The following CLSPN variants were observed in gnomAD, a reference collection of about 807,000 sequenced individuals.
The protein encoded by CLSPN is claspin.
Under a neutral mutation model 156.3 loss-of-function variants are expected in CLSPN, and 85 were observed. The ratio of observed to expected loss-of-function variants is 0.54; its 90% confidence interval spans 0.46 to 0.65. The LOEUF is 0.65. Among genes scored for constraint, CLSPN ranks in the 30% least tolerant of loss-of-function variants. The pLI, the probability that CLSPN is intolerant of heterozygous loss-of-function variation, is 0.00. For missense variants in CLSPN, 1,407 were observed against 1,554.9 expected, an observed-to-expected ratio of 0.90 and a Z score of 1.60; for synonymous variants, 534 against 542.4, an observed-to-expected ratio of 0.98 and a Z score of 0.22.
rs1318628074 is a variant in CLSPN, at chr1:35,734,037, A to G, written c.*2459T>C. The stretch of plus-strand genomic sequence containing the variant: ...AGAAGGTACCATTTATGTAAACTCA[A>G]TTATCCTCTTCACCTGAGCTGAACC... On this transcript the variant is annotated 3_prime_UTR_variant, in exon 25 of 25. Coordinates refer to ENST00000318121, the MANE Select transcript of CLSPN (RefSeq NM_022111.4). 1 of 985,344 alleles carries G rather than the reference A, an allele frequency of 1.0e-6. No individual in the cohort carries two copies. Among genetic ancestry groups the G allele is most frequent in the African/African-American group, 1.7e-5 (1 of 57,250 alleles). 61.0% of individuals were successfully genotyped at this position (985,344 alleles called of 1,614,324 possible). A position where few individuals can be genotyped will look rare whatever the true frequency, so the allele number is the denominator to read the frequency against.
chr1:35,760,037 T>C (rs889173426), intron 8 of CLSPN, among the ~76,000 whole-genome samples: 13 of 152,256 alleles, frequency 8.5e-5, no homozygotes, highest in East Asian at 5.8e-4. Flanking sequence ...TTTCACTGTA[T>C]TGGCCAGGCT....
chr1:35,722,253 CT>C (rs568124252), intron 24 of CLSPN, among the ~76,000 whole-genome samples: 8,709 of 124,424 alleles, frequency 0.07, 173 homozygotes, highest in African/African-American at 0.14. Context: ...CTAGTTATTC[CT>C]TTTTTTTTTT....
Position 35,769,964 on chromosome 1 carries a change from T to G in CLSPN, c.-94A>C. 9 of 1,456,070 alleles carry G rather than the reference T, an allele frequency of 6.2e-6. No individual in the cohort carries two copies. Among genetic ancestry groups the G allele is most frequent in the Non-Finnish European group, 7.6e-6 (8 of 1,056,168 alleles). The allele number at this position is 1,456,070 out of a possible 1,614,324, so 90.2% of individuals were successfully genotyped here. A position where few individuals can be genotyped will look rare whatever the true frequency, so the allele number is the denominator to read the frequency against. On this transcript the variant is annotated 5_prime_UTR_variant, in exon 1 of 25. Transcript: ENST00000318121. ...GCTCCCGCCGTCTCCAGCCCAGCAG[T>G]GCTGTTCTTGCTTTCCCGCCCAGCC...
intron 10 of CLSPN, 122 bp downstream of exon 10, chr1:35,751,128 C>T: frequency 1.6e-6 from 2 of 1,243,898 alleles, no homozygotes; most frequent in African/African-American, 1.5e-5. Flanking sequence ...AGGTAGTTAC[C>T]CTCATCATGC....
At position 35,735,615 on chromosome 1, in the gene CLSPN, G is replaced by A. The variant is rs113039854; in HGVS notation, c.*881C>T. The stretch of plus-strand genomic sequence containing the variant: ...CCCAGCTACTTGGGAGGCTGAGACA[G>A]GAGAATCACTTGAACCCGGGAGGCA... On this transcript the variant is annotated 3_prime_UTR_variant, in exon 25 of 25. Transcript: ENST00000318121. 31 of 646,824 alleles carry A rather than the reference G, an allele frequency of 4.8e-5. 2 individuals are homozygous for A. The highest frequency in any genetic ancestry group is 4.3e-4 in the African/African-American group (22 of 50,594). The allele number at this position is 646,824 out of a possible 1,614,324, so 40.1% of individuals were successfully genotyped here.
chr1:35,740,421 CTT>C (rs11339039), intron 18 of CLSPN, among the ~76,000 whole-genome samples: 27 of 142,208 alleles, frequency 1.9e-4, no homozygotes, highest in Admixed American at 3.5e-4. Flanking sequence ...TGTATTTTCT[CTT>C]TTTTTTTTTT....
At chr1:35,747,435 G>A (rs1323289183) in intron 14 of CLSPN, among the ~76,000 whole-genome samples, 1 of 152,172 alleles carries the variant, frequency 6.6e-6, no homozygotes, top group African/African-American at 2.4e-5. Flanking sequence ...GAAAGCAAAA[G>A]ATTCAAACTT....
chr1:35,734,513 C>G lies in CLSPN; in HGVS notation c.*1983G>C, dbSNP rs1027440485. On this transcript the variant is annotated 3_prime_UTR_variant, in exon 25 of 25. Transcript: ENST00000318121. Reference sequence around the variant, plus strand: ...TGGCCAACATGGCGAAACCTCATCTCTAATAAAAATACAAAAAATTAGCTG... The same window carrying G: ...TGGCCAACATGGCGAAACCTCATCTGTAATAAAAATACAAAAAATTAGCTG... 1 of 362,074 alleles carries G rather than the reference C, an allele frequency of 2.8e-6. No homozygotes were observed. Among genetic ancestry groups the G allele is most frequent in the Non-Finnish European group, 3.8e-6 (1 of 260,764 alleles). 22.4% of individuals were successfully genotyped at this position (362,074 alleles called of 1,614,324 possible). A position where few individuals can be genotyped will look rare whatever the true frequency, so the allele number is the denominator to read the frequency against.
intron 2 of CLSPN, 97 bp from the exon 3 acceptor site, chr1:35,764,811 AC>A (rs1642614731): frequency 1.3e-6 from 1 of 753,072 alleles, no homozygotes; most frequent in Non-Finnish European, 2.0e-6. Flanking sequence ...GTGATATATA[AC>A]ATTGTGAAAT....
rs181291808 is a variant in CLSPN at position 35,733,523 on chromosome 1, G to A, written c.*2973C>T. 330 of 985,268 alleles carry A rather than the reference G, an allele frequency of 3.3e-4. 2 individuals carry two copies. In the African/African-American group the frequency reaches 5.5e-3, roughly 17 times the overall value. 61.0% of individuals were successfully genotyped at this position (985,268 alleles called of 1,614,324 possible). A position where few individuals can be genotyped will look rare whatever the true frequency, so the allele number is the denominator to read the frequency against. Reference sequence around the variant, plus strand: ...AAAAGACATGTAGGGAAACAAGAGGGAAGAAATATCTAGCCTTCCTGCTCA... The same window carrying A: ...AAAAGACATGTAGGGAAACAAGAGGAAAGAAATATCTAGCCTTCCTGCTCA... On this transcript the variant is annotated 3_prime_UTR_variant, in exon 25 of 25. Transcript: ENST00000318121.
At chr1:35,756,433 G>A (rs147825883) in intron 8 of CLSPN, among the ~76,000 whole-genome samples, 1 of 152,246 alleles carries the variant, frequency 6.6e-6, no homozygotes, top group Admixed American at 6.5e-5. Flanking sequence ...CAACCCATTG[G>A]AGCAACCACT....
chr1:35,722,858 T>C (rs998188372), intron 24 of CLSPN, among the ~76,000 whole-genome samples: 1 of 152,162 alleles, frequency 6.6e-6, no homozygotes, highest in African/African-American at 2.4e-5. Context: ...CTCAAATTCC[T>C]GGCCTCAAGT....
At chr1:35,741,713 G>A (rs1251935666) in intron 18 of CLSPN, among the ~76,000 whole-genome samples, 2 of 152,018 alleles carry the variant, frequency 1.3e-5, no homozygotes, top group African/African-American at 4.8e-5. Context: ...GGTGGCTCAC[G>A]CCTGTAATCC....
chr1:35,749,404 C>G, intron 12 of CLSPN, 63 bp downstream of exon 12: 3 of 1,495,454 alleles, frequency 2.0e-6, no homozygotes, highest in Non-Finnish European at 2.8e-6. Context: ...GTACTGCAGT[C>G]CTTAAATATC....
chr1:35,742,001 A>AT (rs71062895), intron 18 of CLSPN, among the ~76,000 whole-genome samples: 1 of 144,852 alleles, frequency 6.9e-6, no homozygotes, highest in Admixed American at 7.0e-5. Flanking sequence ...AAAAAAAAAA[A>AT]GCTGGGCCTG....
chr1:35,764,649 A>G lies in CLSPN; in HGVS notation c.199T>C (p.Ser67Pro), dbSNP rs1189648143. Reference sequence around the variant, plus strand: ...GAGGCATTTGTGTCCTCTGTTTCGGAATCACTGTCTTGTAGAACCTTCCTG... The same window carrying G: ...GAGGCATTTGTGTCCTCTGTTTCGGGATCACTGTCTTGTAGAACCTTCCTG... ...KNRKVLQDSD[S>P]ETEDTNASPE... The change falls in exon 3 of 25, where the codon TCC becomes CCC. Residue 67 changes from serine (S) to proline (P), a missense_variant. Ser to Pro is a moderately conservative substitution (Grantham distance 74). This residue lies in a region of CLSPN where 1,096 missense variants were observed against 1,193.0 expected (regional missense o/e 0.92). Transcript: ENST00000318121. 6.2e-7 allele frequency: 1 copy of G among 1,611,504 alleles called. No homozygotes were observed. The highest frequency in any genetic ancestry group is 8.5e-7 in the Non-Finnish European group (1 of 1,179,528).
chr1:35,757,413 C>T (rs1210477997), intron 8 of CLSPN, among the ~76,000 whole-genome samples: 2 of 152,166 alleles, frequency 1.3e-5, no homozygotes, highest in African/African-American at 2.4e-5. Flanking sequence ...ACCCAAATTT[C>T]GTGTCAATTA....
chr1:35,753,728 C>T lies in CLSPN; in HGVS notation c.1771+17G>A. ...ACAAAGCAAAAAGCAAAAAACAAAACCTGTGGGCTCAAATACCTGGTTTTG... is the reference window on the plus strand; with the variant it reads ...ACAAAGCAAAAAGCAAAAAACAAAATCTGTGGGCTCAAATACCTGGTTTTG... On this transcript the variant is annotated intron_variant, in intron 9 of 24. Coordinates refer to ENST00000318121, the MANE Select transcript of CLSPN (RefSeq NM_022111.4). The T allele has an allele frequency of 2.5e-6, 4 of 1,613,324 alleles. No individual in the cohort carries two copies. The highest frequency in any genetic ancestry group is 3.4e-6 in the Non-Finnish European group (4 of 1,179,712).
In CLSPN at chr1:35,753,759, C is replaced by T. The variant is rs1557515939; in HGVS notation, c.1757G>A (p.Ser586Asn). ...TLAPKKLDGASHTKPGEKLQV... is the reference protein window; with the variant it reads ...TLAPKKLDGANHTKPGEKLQV... ...GGCTCAAATACCTGGTTTTGTGTGG[C>T]TTGCTCCATCCAACTTCTTAGGTGC... Residue 586 changes from serine to asparagine, a missense_variant, in exon 9 of 25, where the codon AGC becomes AAC. This residue lies in a region of CLSPN where 1,096 missense variants were observed against 1,193.0 expected (regional missense o/e 0.92). Coordinates refer to ENST00000318121, the MANE Select transcript of CLSPN (RefSeq NM_022111.4). 1.2e-6 allele frequency: 2 copies of T among 1,614,188 alleles called. No homozygotes were observed. The highest frequency in any genetic ancestry group is 1.7e-6 in the Non-Finnish European group (2 of 1,180,036).
Sources: gnomAD v4.1 joint callset for allele counts (sites outside exome capture counted in the v4.1 genomes callset) on GRCh38, gnomAD v4.1.1 for gene constraint, gnomAD v4.1.1 regional missense constraint, MANE v1.5 for transcripts, NCBI Gene and HGNC (gene_info 2026-07-23, HGNC 2026-07-21) for gene names.